The following ZNF738 variants were observed in gnomAD, a reference collection of about 807,000 sequenced individuals.
The protein encoded by ZNF738 is zinc finger protein 738.
ZNF738 carries 10 observed loss-of-function variants against 9.2 expected under a neutral mutation model. The ratio of observed to expected loss-of-function variants is 1.09; its 90% CI spans 0.67 to 1.85. The LOEUF (loss-of-function observed/expected upper bound fraction) is 1.85. Ranked by LOEUF, ZNF738 falls within the 40% of genes most tolerant of loss-of-function variation. ZNF738 has a pLI of 0.00. For missense variants in ZNF738, 346 were observed against 283.6 expected (o/e 1.22, Z -1.58); for synonymous variants, 113 against 94.5 (o/e 1.20, Z -1.14).
intron 1 of ZNF738, among the ~76,000 whole-genome samples, chr19:21,361,447 A>G (rs1568365600): frequency 6.6e-6 from 1 of 152,242 alleles, no homozygotes; most frequent in African/African-American, 2.4e-5. Context: ...GACCAATGGT[A>G]CTTTTAAGAA....
intron 2 of ZNF738, among the ~76,000 whole-genome samples, chr19:21,374,959 TAAA>T (rs895306265): frequency 5.3e-5 from 8 of 152,196 alleles, no homozygotes; most frequent in African/African-American, 1.9e-4. Flanking sequence ...AATATAACAC[TAAA>T]AAATATACAT....
chr19:21,365,956 C>CAAAA (rs34286707), intron 2 of ZNF738, among the ~76,000 whole-genome samples: 1 of 143,506 alleles, frequency 7.0e-6, no homozygotes. Context: ...GACTCCATCT[C>CAAAA]AAAAAAAAAA....
Position 21,383,486 on chromosome 19 carries a change from A to T in ZNF738, c.940A>T (p.Lys314Ter). The T allele has an allele frequency of 1.2e-6, 1 of 811,310 alleles. No homozygotes were observed. Among genetic ancestry groups the T allele is most frequent in the Non-Finnish European group, 2.1e-6 (1 of 469,304 alleles). The allele number at this position is 811,310 out of a possible 1,614,324, so 50.3% of individuals were successfully genotyped here. ...ACATAAGACAATTCATGCTGGAGAGAAACCCTACAAATGTGAAGGATGTGG... is the reference window on the plus strand; with the variant it reads ...ACATAAGACAATTCATGCTGGAGAGTAACCCTACAAATGTGAAGGATGTGG... ...TKHKTIHAGEKPYKCEGCGKA... is the reference protein window; with the variant it reads ...TKHKTIHAGE The change falls in exon 5 of 5, where the codon AAA becomes TAA. Residue 314 changes from lysine to a stop codon, truncating the protein, a stop_gained. Transcript: ENST00000683779. LOFTEE classifies it low-confidence loss of function (END_TRUNC).
intron 1 of ZNF738, among the ~76,000 whole-genome samples, chr19:21,359,552 G>A (rs1973654678): frequency 6.6e-6 from 1 of 152,192 alleles, no homozygotes. Flanking sequence ...GTTAATGGGA[G>A]TCACTGCAAA....
chr19:21,379,947 C>T (rs1328612654), intron 4 of ZNF738, among the ~76,000 whole-genome samples: 1 of 152,118 alleles, frequency 6.6e-6, no homozygotes, highest in African/African-American at 2.4e-5. Flanking sequence ...TATGTGTCAT[C>T]TCATAGAATA....
At chr19:21,370,169 G>C (rs572019558) in intron 2 of ZNF738, among the ~76,000 whole-genome samples, 2 of 152,118 alleles carry the variant, frequency 1.3e-5, no homozygotes, top group Non-Finnish European at 2.9e-5. Context: ...ATCTTTAATT[G>C]TGTTTACATG....
rs1974024106 is a variant in ZNF738 at position 21,383,037 on chromosome 19, TAA to T, written c.494_495del (p.Lys165ArgfsTer14). On this transcript the variant is annotated frameshift_variant, in exon 5 of 5. Coordinates refer to ENST00000683779, the MANE Select transcript of ZNF738 (RefSeq NM_001355237.2). LOFTEE classifies it low-confidence loss of function (END_TRUNC). ...GTGCAAAAAGAAGGTTATAATGAAC[TAA>T]AAGAGTATTTGACAACTACCCAGAG... 1.1e-6 allele frequency: 1 copy of T among 887,474 alleles called. No individual in the cohort carries two copies. Among genetic ancestry groups the T allele is most frequent in the East Asian group, 2.5e-5 (1 of 40,224 alleles). The allele number at this position is 887,474 out of a possible 1,614,324, so 55.0% of individuals were successfully genotyped here.
intron 1 of ZNF738, 149 bp downstream of exon 1, chr19:21,359,292 T>C (rs942205358): frequency 7.9e-6 from 6 of 759,102 alleles, no homozygotes; most frequent in Non-Finnish European, 1.4e-5. Flanking sequence ...TCAGTCGCCT[T>C]CAGCCATAAG....
rs1974052248 is a variant in ZNF738, at chr19:21,385,137, T to C, written c.*1463T>C. Among the ~76,000 whole-genome samples the C allele has an allele frequency of 6.6e-6, 1 of 152,054 alleles. No individual in the cohort carries two copies. ...AGGCTGAGGCAGGCAGATCACCTGG[T>C]CAATGGTCCTCTACCCTTACTAAAG... On this transcript the variant is annotated 3_prime_UTR_variant, in exon 5 of 5. Transcript: ENST00000683779.
chr19:21,366,251 C>T (rs561309530), intron 2 of ZNF738, among the ~76,000 whole-genome samples: 7 of 152,278 alleles, frequency 4.6e-5, no homozygotes, highest in African/African-American at 1.7e-4. Flanking sequence ...TTACTGAGAG[C>T]GGTCTCTAAC....
chr19:21,381,586 C>T (rs1352508981), intron 4 of ZNF738: 18 of 584,084 alleles, frequency 3.1e-5, no homozygotes, highest in Middle Eastern at 4.9e-4. Flanking sequence ...CTCCGTCTCC[C>T]GGGTTCACGC....
rs1403924585 is a variant in ZNF738, at chr19:21,387,835, G to C, written c.*4161G>C. 6.6e-6 allele frequency among the ~76,000 whole-genome samples: 1 copy of C among 152,148 alleles called. No individual in the cohort carries two copies. The highest frequency in any genetic ancestry group is 2.1e-4 in the South Asian group (1 of 4,834). On this transcript the variant is annotated 3_prime_UTR_variant, in exon 5 of 5. Coordinates refer to ENST00000683779, the MANE Select transcript of ZNF738 (RefSeq NM_001355237.2). ...ATTTTATTGTACACATTTTGTACTA[G>C]AGGAAAACTCTGAAGCAGTTGCTCA...
chr19:21,374,928 C>CT (rs1185914756), intron 2 of ZNF738, among the ~76,000 whole-genome samples: 1 of 152,100 alleles, frequency 6.6e-6, no homozygotes, highest in Admixed American at 6.6e-5. Context: ...AAAATATGCA[C>CT]TACTCATTCT....
rs535238834 is a variant in ZNF738 at position 21,365,469 on chromosome 19, A to G, written c.96+3611A>G. Among the ~76,000 whole-genome samples, 177 of 152,296 alleles carry G rather than the reference A, an allele frequency of 1.2e-3. No homozygotes were observed. The South Asian group carries it at 0.013, about 11-fold the overall frequency. ...AAAACCCCTTAATCATAAGGGTTAC[A>G]GAGGAATGAAAATTCATCTTCTGTA... On this transcript the variant is annotated intron_variant, in intron 2 of 4. Transcript: ENST00000683779.
At chr19:21,365,171 TG>T (rs1443512966) in intron 2 of ZNF738, among the ~76,000 whole-genome samples, 1 of 152,060 alleles carries the variant, frequency 6.6e-6, no homozygotes, top group Non-Finnish European at 1.5e-5. Flanking sequence ...ATGGCACTGG[TG>T]GGAGTGTAGC....
chr19:21,365,315 G>A (rs1001827095), intron 2 of ZNF738, among the ~76,000 whole-genome samples: 1 of 152,000 alleles, frequency 6.6e-6, no homozygotes, highest in Non-Finnish European at 1.5e-5. Flanking sequence ...ATCTTATCCT[G>A]TGACTTAGAA....
intron 2 of ZNF738, among the ~76,000 whole-genome samples, chr19:21,366,540 A>C (rs1300927440): frequency 6.6e-6 from 1 of 152,210 alleles, no homozygotes; most frequent in Non-Finnish European, 1.5e-5. Flanking sequence ...ACTAGAAAGA[A>C]GTCTTGATCC....
At chr19:21,370,023 A>G (rs1343046227) in intron 2 of ZNF738, among the ~76,000 whole-genome samples, 8 of 152,162 alleles carry the variant, frequency 5.3e-5, no homozygotes. Context: ...CATGTTGGTC[A>G]CACTGGTCTT....
At chr19:21,363,890 A>ACC (rs1568366203) in intron 2 of ZNF738, among the ~76,000 whole-genome samples, 50 of 148,414 alleles carry the variant, frequency 3.4e-4, no homozygotes, top group Admixed American at 7.4e-4. Context: ...CCATTTAAAA[A>ACC]AAAAAAAAAA....
Sources: gnomAD v4.1 joint callset for allele counts (sites outside exome capture counted in the v4.1 genomes callset) on GRCh38, gnomAD v4.1.1 for gene constraint, MANE v1.5 for transcripts, NCBI Gene and HGNC (gene_info 2026-07-23, HGNC 2026-07-21) for gene names.